Variants in RBM4 observed in about 807,000 individuals in gnomAD.
RBM4 encodes the protein RNA-binding protein 4.
A neutral mutation model predicts 29.5 loss-of-function variants in RBM4; 7 were observed. That is an observed-to-expected ratio of 0.24 (90% CI 0.14 to 0.45). RBM4 has a LOEUF of 0.45. Among genes scored for constraint, RBM4 ranks in the 20% least tolerant of loss-of-function variants. The pLI, the probability that RBM4 is intolerant of heterozygous loss-of-function variation, is 1.00. For synonymous variants in RBM4, 220 were observed against 205.4 expected, an observed-to-expected ratio of 1.07 and a Z score of -0.61; for missense variants, 387 against 502.3, an observed-to-expected ratio of 0.77 and a Z score of 2.19.
At chr11:66,661,123 C>G (rs554515310) in intron 2 of RBM4, among the ~76,000 whole-genome samples, 1 of 152,308 alleles carries the variant, frequency 6.6e-6, no homozygotes, top group South Asian at 2.1e-4. Flanking sequence ...TTGAATTCAT[C>G]TCGTCAGATT....
chr11:66,649,083 C>T (rs146083085), downstream of RBM4, among the ~76,000 whole-genome samples: 65 of 151,998 alleles, frequency 4.3e-4, no homozygotes, highest in African/African-American at 1.5e-3. Flanking sequence ...TCTGGCTCAC[C>T]GCAGCCTCTG....
chr11:66,644,105 C>T lies in RBM4; in HGVS notation c.1068C>T (p.Ala356=), dbSNP rs748769052. The T allele has an allele frequency of 1.2e-5, 20 of 1,613,676 alleles. No homozygotes were observed. Among genetic ancestry groups the T allele is most frequent in the Middle Eastern group, 1.6e-4 (1 of 6,084 alleles). ...CCCGGTATGAGCGGGAGCAGTATGC[C>T]GATCGGGCGCGGTACTCAGCCTTTT... is the stretch of plus-strand genomic sequence containing the variant. ...DMARYEREQY[A]DRARYSAF The change falls in exon 3 of 4, where the codon GCC becomes GCT. Residue 356 remains alanine (A), a synonymous_variant. Transcript: ENST00000310092.
At chr11:66,665,555 G>A in intron 2 of RBM4, 1 of 1,528,196 alleles carries the variant, frequency 6.5e-7, no homozygotes, top group Non-Finnish European at 8.8e-7. Context: ...CGCAGCCCGA[G>A]GGTTCAGTCC....
At chr11:66,642,578 G>A (rs1938514655) in intron 2 of RBM4, among the ~76,000 whole-genome samples, 1 of 152,152 alleles carries the variant, frequency 6.6e-6, no homozygotes, top group South Asian at 2.1e-4. Flanking sequence ...ATATGTAGTT[G>A]CAGGAGAAGT....
chr11:66,649,857 A>G, downstream of RBM4: 1 of 627,500 alleles, frequency 1.6e-6, no homozygotes, highest in Non-Finnish European at 2.9e-6. Context: ...CAGGGACTAT[A>G]TGTGAGCCAC....
intron 3 of RBM4, chr11:66,644,412 A>G (rs1469545263): frequency 9.0e-6 from 4 of 442,744 alleles, no homozygotes; most frequent in Non-Finnish European, 1.6e-5. Context: ...GTGCTGGTGA[A>G]TCTTGGGTCA....
At chr11:66,642,997 G>A (rs1938534171) in intron 2 of RBM4, among the ~76,000 whole-genome samples, 1 of 152,066 alleles carries the variant, frequency 6.6e-6, no homozygotes, top group African/African-American at 2.4e-5. Flanking sequence ...TCTTTTATTC[G>A]GTTCTTTTAA....
chr11:66,654,266 C>T (rs1431074995), intron 2 of RBM4, among the ~76,000 whole-genome samples: 3 of 151,396 alleles, frequency 2.0e-5, no homozygotes, highest in African/African-American at 2.4e-5. Flanking sequence ...CTGAGGCGGG[C>T]GGATCATGAG....
chr11:66,646,204 G>A lies in RBM4; in HGVS notation c.*186G>A. ...TTCCTTTCCTTTCCTTTCCTCTCCT[G>A]CCCATTTTCCTGTTCTTCTGTCCTT... is the stretch of plus-strand genomic sequence containing the variant. On this transcript the variant is annotated 3_prime_UTR_variant, in exon 4 of 4. Coordinates refer to ENST00000310092, the MANE Select transcript of RBM4 (RefSeq NM_002896.4). 3.4e-6 allele frequency: 5 copies of A among 1,461,250 alleles called. No individual in the cohort carries two copies. The highest frequency in any genetic ancestry group is 1.4e-5 in the African/African-American group (1 of 70,802). The allele number at this position is 1,461,250 out of a possible 1,614,324, so 90.5% of individuals were successfully genotyped here.
intron 2 of RBM4, among the ~76,000 whole-genome samples, chr11:66,656,399 C>A (rs1301552969): frequency 6.6e-6 from 1 of 152,038 alleles, no homozygotes; most frequent in African/African-American, 2.4e-5. Context: ...CTCGGCCTCC[C>A]AAAGTGCTGG....
intron 2 of RBM4, 190 bp downstream of exon 2, chr11:66,640,313 C>A (rs1938386917): frequency 9.3e-6 from 7 of 750,734 alleles, no homozygotes; most frequent in South Asian, 1.9e-5. Flanking sequence ...AGGCAAATGT[C>A]TCCTGGAGAA....
intron 2 of RBM4, among the ~76,000 whole-genome samples, chr11:66,660,471 C>T (rs1214334785): frequency 2.0e-5 from 3 of 150,726 alleles, no homozygotes; most frequent in Non-Finnish European, 2.9e-5. Flanking sequence ...CCTACTTCAG[C>T]CTACTGAATA....
chr11:66,655,328 C>A (rs1417985143), intron 2 of RBM4, among the ~76,000 whole-genome samples: 3 of 150,396 alleles, frequency 2.0e-5, no homozygotes, highest in Non-Finnish European at 4.4e-5. Context: ...CTCACTCTGT[C>A]ACCCAGACTG....
At chr11:66,668,175 G>A (rs1939316899) in exon 3 of RBM4, 1 of 165,278 alleles carries the variant, frequency 6.1e-6, no homozygotes, top group Admixed American at 5.5e-5. Flanking sequence ...TTGAATTCTG[G>A]TTCTACCTTT....
intron 2 of RBM4, among the ~76,000 whole-genome samples, chr11:66,662,405 T>C (rs906175373): frequency 6.6e-6 from 1 of 152,068 alleles, no homozygotes; most frequent in African/African-American, 2.4e-5. Context: ...CTTTTATTTA[T>C]TTATTTATTT....
chr11:66,648,264 T>C (rs562043485), downstream of RBM4, among the ~76,000 whole-genome samples: 4 of 151,144 alleles, frequency 2.6e-5, no homozygotes, highest in South Asian at 8.3e-4. Flanking sequence ...TCAACGCCAG[T>C]AATCCCAGCA....
chr11:66,650,837 G>T (rs981353896), downstream of RBM4, among the ~76,000 whole-genome samples: 1 of 151,854 alleles, frequency 6.6e-6, no homozygotes, highest in Non-Finnish European at 1.5e-5. Flanking sequence ...CACTCCAGCC[G>T]GGGCAACAGA....
rs750177241 is a variant in RBM4 at position 66,646,052 on chromosome 11, C to G, written c.*34C>G. 23 of 1,536,118 alleles carry G rather than the reference C, an allele frequency of 1.5e-5. No individual in the cohort carries two copies. In the East Asian group the frequency reaches 5.6e-4, roughly 38 times the overall value. On this transcript the variant is annotated 3_prime_UTR_variant, in exon 4 of 4. Transcript: ENST00000310092. ...GTGGGATGTGTGTGGGCTGAAATTCCGAGCTGCGGTTGTGCATGAGAATAC... is the reference window on the plus strand; with the variant it reads ...GTGGGATGTGTGTGGGCTGAAATTCGGAGCTGCGGTTGTGCATGAGAATAC...
chr11:66,665,635 C>T lies in RBM4; in HGVS notation c.413-221C>T, dbSNP rs1367456451. The T allele has an allele frequency of 3.0e-5, 46 of 1,535,012 alleles. No homozygotes were observed. In the South Asian group the frequency reaches 3.9e-4, roughly 13 times the overall value. On this transcript the variant is annotated intron_variant, in intron 2 of 2. Coordinates refer to the RBM4 transcript ENST00000396053. ...CAATGCCTGGAGAGCAGCCTGGCTC[C>T]GCGTACAAGCGCCCTGGGTCCTGTC...
Sources: gnomAD v4.1 joint callset for allele counts (sites outside exome capture counted in the v4.1 genomes callset) on GRCh38, gnomAD v4.1.1 for gene constraint, MANE v1.5 for transcripts, NCBI Gene and HGNC (gene_info 2026-07-23, HGNC 2026-07-21) for gene names.